MED23: variants seen among roughly 807,000 people sequenced by gnomAD.
MED23 encodes the protein mediator of RNA polymerase II transcription subunit 23.
A neutral mutation model predicts 163.9 loss-of-function variants in MED23; 105 were observed. The observed-to-expected ratio is 0.64, with a 90% CI of 0.55 to 0.75. The LOEUF is 0.75. Among genes scored for constraint, MED23 ranks in the 30% least tolerant of loss-of-function variants. The pLI is 0.00. For missense variants in MED23, 1,054 were observed against 1,649.0 expected (o/e 0.64, Z 6.25); for synonymous variants, 561 against 565.6 (o/e 0.99, Z 0.12).
intron 30 of MED23, among the ~76,000 whole-genome samples, chr6:131,579,857 T>TGA (rs142346886): frequency 0.012 from 1,801 of 149,192 alleles, 47 homozygotes; most frequent in African/African-American, 0.041. Flanking sequence ...TGTGTGTGTG[T>TGA]GAGAGAGAGA....
At position 131,593,064 on chromosome 6, in the gene MED23, C is replaced by A; in HGVS notation, c.3340G>T (p.Ala1114Ser). The change falls in exon 24 of 29, where the codon GCC becomes TCC. Residue 1114 changes from alanine to serine, a missense_variant. Ala to Ser is a moderately conservative substitution (Grantham distance 99, BLOSUM62 1). Coordinates refer to ENST00000368068, the MANE Select transcript of MED23 (RefSeq NM_004830.4). ...ALHVTCVELMALAVSGKEVGN... is the reference protein window; with the variant it reads ...ALHVTCVELMSLAVSGKEVGN... ...ACTTCTTTGCCTGAAACTGCCAAGG[C>A]CATGAGCTCCACACAAGTAACATGG... 2.5e-6 allele frequency: 4 copies of A among 1,614,224 alleles called. No homozygotes were observed. The highest frequency in any genetic ancestry group is 3.4e-6 in the Non-Finnish European group (4 of 1,180,032).
chr6:131,625,110 T>C, intron 3 of MED23, 121 bp from the exon 4 acceptor site: 1 of 1,109,342 alleles, frequency 9.0e-7, no homozygotes, highest in Non-Finnish European at 1.3e-6. Flanking sequence ...TGAGCATCTG[T>C]GGATGAAAAT....
rs1466220941 is a variant in MED23, at chr6:131,596,209, A to T, written c.2779-46T>A. 4.5e-6 allele frequency: 7 copies of T among 1,542,686 alleles called. No homozygotes were observed. The South Asian group carries it at 5.6e-5, about 12-fold the overall frequency. On this transcript the variant is annotated intron_variant, in intron 21 of 28. Coordinates refer to ENST00000368068, the MANE Select transcript of MED23 (RefSeq NM_004830.4). ...TAAATGGTTAGAGCATTTTTTAAAA[A>T]ATTCTCTTAAAAGAGCTAAATGTGA...
intron 30 of MED23, among the ~76,000 whole-genome samples, chr6:131,574,705 C>G (rs757250627): frequency 3.3e-5 from 5 of 151,994 alleles, no homozygotes; most frequent in Non-Finnish European, 7.4e-5. Context: ...GACAAATAAG[C>G]AAAAGGAAAG....
intron 10 of MED23, among the ~76,000 whole-genome samples, chr6:131,612,728 T>C (rs930058889): frequency 2.0e-5 from 3 of 152,124 alleles, no homozygotes; most frequent in Admixed American, 1.3e-4. Flanking sequence ...CATTTAATAT[T>C]TTCAGCTTTG....
chr6:131,609,671 T>G (rs1333920424), intron 11 of MED23, among the ~76,000 whole-genome samples: 1 of 146,922 alleles, frequency 6.8e-6, no homozygotes, highest in Non-Finnish European at 1.5e-5. Context: ...TATAATCATG[T>G]TGTGTGTGTG....
At chr6:131,624,400 G>A (rs1777334118) in intron 4 of MED23, among the ~76,000 whole-genome samples, 1 of 152,198 alleles carries the variant, frequency 6.6e-6, no homozygotes, top group Non-Finnish European at 1.5e-5. Flanking sequence ...TCCCAGCTGA[G>A]GTTCCAGATG....
At chr6:131,625,099 A>T (rs187709424) in intron 3 of MED23, 110 bp from the exon 4 acceptor site, 1 of 1,199,340 alleles carries the variant, frequency 8.3e-7, no homozygotes, top group East Asian at 2.4e-5. Context: ...ATACTTCACT[A>T]TGAGCATCTG....
chr6:131,582,691 TGA>T, downstream of MED23: 3 of 1,613,826 alleles, frequency 1.9e-6, no homozygotes, highest in Non-Finnish European at 2.5e-6. Context: ...TATATTGGCT[TGA>T]GAGACGTGGA....
At chr6:131,579,472 C>G in intron 30 of MED23, 1 of 559,192 alleles carries the variant, frequency 1.8e-6, no homozygotes, top group Non-Finnish European at 3.1e-6. Flanking sequence ...AATTTGAAGT[C>G]TTACAATATC....
intron 9 of MED23, among the ~76,000 whole-genome samples, chr6:131,616,655 C>G (rs1276388835): frequency 6.6e-6 from 1 of 151,980 alleles, no homozygotes; most frequent in South Asian, 2.1e-4. Flanking sequence ...CCCATCTCTA[C>G]AAAAAACACA....
At chr6:131,615,066 C>CAAAAAAAAAAAAAAAAAAA (rs5880072) in intron 10 of MED23, among the ~76,000 whole-genome samples, 2 of 68,238 alleles carry the variant, frequency 2.9e-5, no homozygotes, top group African/African-American at 5.4e-5. Context: ...TCTTTGTTAC[C>CAAAAAAAAAAAAAAAAAAA]AAAAAAAAAA....
intron 22 of MED23, among the ~76,000 whole-genome samples, chr6:131,594,919 G>T (rs1485355197): frequency 2.0e-5 from 3 of 152,174 alleles, no homozygotes; most frequent in Non-Finnish European, 4.4e-5. Flanking sequence ...GTAGCTGGAG[G>T]CCAGGATGGG....
rs377352569 is a variant in MED23, at chr6:131,607,943, T to G, written c.1206A>C (p.Leu402=). The change falls in exon 12 of 29, where the codon CTA becomes CTC. Residue 402 remains leucine, a synonymous_variant. Transcript: ENST00000368068. The part of the protein sequence containing the change: ...FLPVMKLFDL[L]YPEKEYIPVP... ...TAAAGCTTACTTCTTTTTCTGGGTA[T>G]AGCAAGTCGAAGAGCTTCATCACAG... 6.2e-7 allele frequency: 1 copy of G among 1,613,822 alleles called. No homozygotes were observed. Among genetic ancestry groups the G allele is most frequent in the Non-Finnish European group, 8.5e-7 (1 of 1,179,872 alleles).
At chr6:131,592,935 A>G (rs1474133814) in intron 24 of MED23, 71 bp downstream of exon 24, 2 of 1,577,712 alleles carry the variant, frequency 1.3e-6, no homozygotes, top group East Asian at 4.5e-5. Flanking sequence ...TTTGTCTTAA[A>G]AGTTTGAAAT....
intron 11 of MED23, among the ~76,000 whole-genome samples, chr6:131,609,072 G>T (rs1295503635): frequency 1.3e-5 from 2 of 152,110 alleles, no homozygotes; most frequent in Non-Finnish European, 2.9e-5. Flanking sequence ...TCCTGGTTTA[G>T]GCCTTCAGCA....
At chr6:131,601,818 T>C (rs1775504251) in intron 17 of MED23, among the ~76,000 whole-genome samples, 1 of 152,088 alleles carries the variant, frequency 6.6e-6, no homozygotes. Context: ...TAATGTTTAT[T>C]ATTGCTATTT....
chr6:131,576,356 C>T (rs376050897), intron 30 of MED23, among the ~76,000 whole-genome samples: 3 of 152,094 alleles, frequency 2.0e-5, no homozygotes, highest in African/African-American at 4.8e-5. Flanking sequence ...CATGGTTTGA[C>T]GGGAAGAGGG....
At chr6:131,578,850 T>C (rs1165030115) in intron 30 of MED23, among the ~76,000 whole-genome samples, 4 of 152,142 alleles carry the variant, frequency 2.6e-5, no homozygotes, top group Non-Finnish European at 5.9e-5. Flanking sequence ...CTGTTACATT[T>C]TGGTGTCTAG....
Sources: gnomAD v4.1 joint callset for allele counts (sites outside exome capture counted in the v4.1 genomes callset) on GRCh38, gnomAD v4.1.1 for gene constraint, MANE v1.5 for transcripts, NCBI Gene and HGNC (gene_info 2026-07-23, HGNC 2026-07-21) for gene names.